The following RAB3GAP1 variants were observed in gnomAD, a reference collection of about 807,000 sequenced individuals.
RAB3GAP1 encodes RAB3 GTPase activating protein catalytic subunit 1.
Under a neutral mutation model 130.7 loss-of-function variants are expected in RAB3GAP1, and 86 were observed. The ratio of observed to expected loss-of-function variants is 0.66; its 90% confidence interval spans 0.55 to 0.79. The LOEUF (loss-of-function observed/expected upper bound fraction) is 0.79, where lower values mean the gene tolerates loss of function less well. Among genes scored for constraint, RAB3GAP1 ranks in the 30% least tolerant of loss-of-function variants. RAB3GAP1 has a pLI of 0.00. For synonymous variants in RAB3GAP1, 367 were observed against 401.7 expected (o/e 0.91, Z 1.03); for missense variants, 1,029 against 1,169.4 (o/e 0.88, Z 1.75).
intron 3 of RAB3GAP1, among the ~76,000 whole-genome samples, chr2:135,066,845 T>C (rs1689336948): frequency 1.3e-5 from 2 of 152,174 alleles, no homozygotes; most frequent in Non-Finnish European, 1.5e-5. Context: ...TAAGTTTAGG[T>C]ATGTCATGAT....
chr2:135,117,567 T>TCTG (rs1217861266), intron 7 of RAB3GAP1, among the ~76,000 whole-genome samples: 8 of 138,156 alleles, frequency 5.8e-5, no homozygotes, highest in African/African-American at 2.4e-4. Flanking sequence ...TGCTTCTTCT[T>TCTG]CTGCTTCTTC....
At chr2:135,064,881 T>C (rs1689274092) in intron 3 of RAB3GAP1, among the ~76,000 whole-genome samples, 1 of 151,764 alleles carries the variant, frequency 6.6e-6, no homozygotes, top group Non-Finnish European at 1.5e-5. Context: ...ATTCATAAAA[T>C]TTATAACATT....
At position 135,153,823 on chromosome 2, in the gene RAB3GAP1, A is replaced by C. The variant is rs557690189; in HGVS notation, c.2236A>C (p.Ile746Leu). The change falls in exon 19 of 24, where the codon ATT becomes CTT. Residue 746 changes from isoleucine to leucine, a missense_variant. This residue lies in a region of RAB3GAP1 where 373 missense variants were observed against 493.6 expected (regional missense o/e 0.76). Coordinates refer to ENST00000264158, the MANE Select transcript of RAB3GAP1 (RefSeq NM_012233.3). ...WVEAWETAKPIPARRQRRLFD... is the reference protein window; with the variant it reads ...WVEAWETAKPLPARRQRRLFD... ...AGAAGCCTGGGAAACAGCTAAGCCA[A>C]TTCCTGCTAGAAGGCAAAGGAGACT... is the stretch of plus-strand genomic sequence containing the variant. 1.2e-6 allele frequency: 2 copies of C among 1,614,038 alleles called. No homozygotes were observed. The highest frequency in any genetic ancestry group is 3.3e-5 in the Admixed American group (2 of 60,010).
At chr2:135,140,920 C>G (rs1452542778) in intron 17 of RAB3GAP1, among the ~76,000 whole-genome samples, 1 of 152,204 alleles carries the variant, frequency 6.6e-6, no homozygotes, top group Non-Finnish European at 1.5e-5. Context: ...CTAAGAATGG[C>G]AGTCTCAGAC....
At chr2:135,097,310 G>C (rs1036704533) in intron 5 of RAB3GAP1, among the ~76,000 whole-genome samples, 8 of 151,592 alleles carry the variant, frequency 5.3e-5, no homozygotes, top group African/African-American at 2.4e-5. Context: ...TGAACTCCTG[G>C]GCTCAAGTGA....
chr2:135,101,538 C>G (rs1250780178), intron 5 of RAB3GAP1, among the ~76,000 whole-genome samples: 1 of 152,118 alleles, frequency 6.6e-6, no homozygotes, highest in Non-Finnish European at 1.5e-5. Flanking sequence ...ATGTCCAATG[C>G]TCAATTTTGG....
intron 3 of RAB3GAP1, among the ~76,000 whole-genome samples, chr2:135,079,839 A>G (rs1188325413): frequency 6.6e-6 from 1 of 152,146 alleles, no homozygotes; most frequent in East Asian, 1.9e-4. Context: ...TCATCTATAA[A>G]ATGAGGTTGG....
intron 19 of RAB3GAP1, 59 bp from the exon 20 acceptor site, chr2:135,162,496 T>C (rs1692492221): frequency 1.5e-6 from 2 of 1,316,096 alleles, no homozygotes; most frequent in African/African-American, 1.5e-5. Context: ...CTTCTGTAAG[T>C]GGCTGCTTCA....
rs1690128358 is a variant in RAB3GAP1 at position 135,091,046 on chromosome 2, T to G, written c.199T>G (p.Phe67Val). The G allele has an allele frequency of 1.2e-6, 2 of 1,611,572 alleles. No individual in the cohort carries two copies. Among genetic ancestry groups the G allele is most frequent in the Non-Finnish European group, 1.7e-6 (2 of 1,177,918 alleles). ...TWEEKSDEIS[F>V]ADFKFSVTHH... Reference sequence around the variant, plus strand: ...GGAAGAGAAATCAGATGAAATTTCCTTTGCTGACTTCAAGTTCTCAGTCAC... The same window carrying G: ...GGAAGAGAAATCAGATGAAATTTCCGTTGCTGACTTCAAGTTCTCAGTCAC... Residue 67 changes from phenylalanine (F) to valine (V), a missense_variant, in exon 4 of 24, where the codon TTT (phenylalanine) becomes GTT (valine). Physicochemically the swap from Phe to Val is conservative, Grantham distance 50. Around this residue, in one of 3 missense-constraint regions of RAB3GAP1, gnomAD observed 510 missense variants for 532.1 expected, o/e 0.96. Transcript: ENST00000264158.
chr2:135,174,001 CT>C (rs1302094754), downstream of RAB3GAP1, among the ~76,000 whole-genome samples: 4 of 152,324 alleles, frequency 2.6e-5, 1 homozygote, highest in Admixed American at 2.6e-4. Flanking sequence ...AGCCCAGGGA[CT>C]CTGCCGCTGG....
chr2:135,157,064 C>G (rs1252163449), intron 19 of RAB3GAP1, among the ~76,000 whole-genome samples: 2 of 152,144 alleles, frequency 1.3e-5, no homozygotes, highest in East Asian at 1.9e-4. Flanking sequence ...AAACGCTCCT[C>G]AAAAACACAC....
chr2:135,110,933 G>A (rs751574348), intron 5 of RAB3GAP1, among the ~76,000 whole-genome samples: 3 of 152,114 alleles, frequency 2.0e-5, no homozygotes, highest in Admixed American at 6.6e-5. Flanking sequence ...GGATGGAACG[G>A]GGATGTTCAC....
intron 17 of RAB3GAP1, among the ~76,000 whole-genome samples, chr2:135,146,199 C>CTTTT (rs1173567563): frequency 3.7e-4 from 36 of 96,562 alleles, no homozygotes; most frequent in African/African-American, 6.9e-4. Context: ...CATATTTGTT[C>CTTTT]TTTTTTTTTT....
At chr2:135,057,551 C>T (rs1272805435) in intron 2 of RAB3GAP1, among the ~76,000 whole-genome samples, 1 of 152,188 alleles carries the variant, frequency 6.6e-6, no homozygotes, top group Non-Finnish European at 1.5e-5. Context: ...TGTGCCACCA[C>T]ACCGGGCTAA....
intron 23 of RAB3GAP1, among the ~76,000 whole-genome samples, chr2:135,168,156 C>T (rs1692716368): frequency 1.3e-5 from 2 of 152,188 alleles, no homozygotes. Flanking sequence ...TGAAAATCAT[C>T]TTTTCACTCT....
At chr2:135,093,075 A>G (rs1690190783) in intron 4 of RAB3GAP1, among the ~76,000 whole-genome samples, 1 of 152,224 alleles carries the variant, frequency 6.6e-6, no homozygotes, top group African/African-American at 2.4e-5. Flanking sequence ...AATGGATACT[A>G]TTTTTAATGC....
intron 3 of RAB3GAP1, among the ~76,000 whole-genome samples, chr2:135,088,824 G>T (rs1365982243): frequency 6.6e-6 from 1 of 151,902 alleles, no homozygotes; most frequent in Non-Finnish European, 1.5e-5. Context: ...TTGTCAGATG[G>T]ATAGATTGCA....
intron 9 of RAB3GAP1, 62 bp downstream of exon 9, chr2:135,124,308 T>C (rs1021395489): frequency 9.0e-6 from 13 of 1,446,914 alleles, no homozygotes; most frequent in African/African-American, 7.0e-5. Flanking sequence ...TATATTGATA[T>C]TGATTTCACT....
intron 23 of RAB3GAP1, among the ~76,000 whole-genome samples, chr2:135,167,956 T>G (rs1405037966): frequency 6.6e-6 from 1 of 152,254 alleles, no homozygotes; most frequent in Non-Finnish European, 1.5e-5. Flanking sequence ...ACATGCATTT[T>G]ATGTCATTTC....
Sources: gnomAD v4.1 joint callset for allele counts (sites outside exome capture counted in the v4.1 genomes callset) on GRCh38, gnomAD v4.1.1 for gene constraint, gnomAD v4.1.1 regional missense constraint, MANE v1.5 for transcripts, NCBI Gene and HGNC (gene_info 2026-07-23, HGNC 2026-07-21) for gene names.